Variants in SMARCD1 observed in about 807,000 individuals in gnomAD.
SMARCD1 encodes the protein SWI/SNF related BAF chromatin remodeling complex subunit D1.
SMARCD1 carries 16 observed loss-of-function variants against 70.8 expected under a neutral mutation model. The observed-to-expected ratio is 0.23, with a 90% CI of 0.15 to 0.34. The LOEUF is 0.34. Ranked by LOEUF, SMARCD1 falls within the 10% of genes least tolerant of loss-of-function variation. The pLI, the probability that SMARCD1 is intolerant of heterozygous loss-of-function variation, is 1.00. For missense variants in SMARCD1, 409 were observed against 655.5 expected (o/e 0.62, Z 4.11); for synonymous variants, 249 against 246.0 (o/e 1.01, Z -0.11).
intron 10 of SMARCD1, among the ~76,000 whole-genome samples, chr12:50,095,412 C>T (rs1232026287): frequency 6.6e-6 from 1 of 151,996 alleles, no homozygotes; most frequent in East Asian, 1.9e-4. Flanking sequence ...CTACGACCTC[C>T]GCCTCCTGGG....
In SMARCD1 at chr12:50,096,859, A is replaced by G. The variant is rs754127724; in HGVS notation, c.1279A>G (p.Thr427Ala). 1 of 1,610,486 alleles carries G rather than the reference A, an allele frequency of 6.2e-7. No homozygotes were observed. The highest frequency in any genetic ancestry group is 8.5e-7 in the Non-Finnish European group (1 of 1,177,130). ...IATLDNKIHE[T>A]IETINQLKTQ... Reference sequence around the variant, plus strand: ...TCGTTCTTCCTTTCAGATCCATGAGACAATAGAAACCATCAACCAGCTGAA... The same window carrying G: ...TCGTTCTTCCTTTCAGATCCATGAGGCAATAGAAACCATCAACCAGCTGAA... Residue 427 changes from threonine (T) to alanine (A), a missense_variant, in exon 11 of 13, where the codon ACA becomes GCA. Transcript: ENST00000394963.
In SMARCD1 at chr12:50,096,963, G is replaced by C. The variant is rs781091669; in HGVS notation, c.1383G>C (p.Arg461Ser). The change falls in exon 11 of 13, where the codon AGG (arginine) becomes AGC (serine). Residue 461 changes from arginine (R) to serine (S), a missense_variant. Arg to Ser is a moderately radical substitution (Grantham distance 110). Around this residue, in one of 2 missense-constraint regions of SMARCD1, gnomAD observed 269 missense variants for 498.6 expected, o/e 0.54. Coordinates refer to ENST00000394963, the MANE Select transcript of SMARCD1 (RefSeq NM_003076.5). ...FINDWLQSQC[R>S]DLKTMTDVVG... ...ATGACTGGCTTCAGTCCCAGTGCAG[G>C]GACCTCAAGGTAAAGAACCTAGGAG... is the stretch of plus-strand genomic sequence containing the variant. 46 of 1,613,452 alleles carry C rather than the reference G, an allele frequency of 2.9e-5. No individual in the cohort carries two copies. Among genetic ancestry groups the C allele is most frequent in the Non-Finnish European group, 2.5e-6 (3 of 1,179,658 alleles).
In SMARCD1 at chr12:50,089,996, G is replaced by T; in HGVS notation, c.873+11G>T. The T allele has an allele frequency of 6.3e-7, 1 of 1,599,616 alleles. No individual in the cohort carries two copies. The highest frequency in any genetic ancestry group is 8.6e-7 in the Non-Finnish European group (1 of 1,166,706). Reference sequence around the variant, plus strand: ...ATGCTGGATTACCAGGTATTCTGTGGTGGTGTGAGGGGGTCCAGCTTTCAC... The same window carrying T: ...ATGCTGGATTACCAGGTATTCTGTGTTGGTGTGAGGGGGTCCAGCTTTCAC... On this transcript the variant is annotated intron_variant, in intron 7 of 12. Transcript: ENST00000394963.
chr12:50,095,950 T>C (rs1040195605), intron 10 of SMARCD1, among the ~76,000 whole-genome samples: 1 of 152,184 alleles, frequency 6.6e-6, no homozygotes, highest in Non-Finnish European at 1.5e-5. Context: ...TGAGAGATCA[T>C]TACCAGTGGA....
At chr12:50,087,172 C>T (rs1472674803) in intron 4 of SMARCD1, among the ~76,000 whole-genome samples, 191 bp from the exon 5 acceptor site, 1 of 152,186 alleles carries the variant, frequency 6.6e-6, no homozygotes, top group African/African-American at 2.4e-5. Context: ...CCTGGCATCC[C>T]ACTATATGCA....
At position 50,100,613 on chromosome 12, in the gene SMARCD1, T is replaced by C. The variant is rs947379835; in HGVS notation, c.*1613T>C. ...TTTTGTACTGTCCCCTTATTGATGT[T>C]ACCCAGTTTTAATAAAAGAATCTTC... On this transcript the variant is annotated 3_prime_UTR_variant, in exon 13 of 13. Coordinates refer to ENST00000394963, the MANE Select transcript of SMARCD1 (RefSeq NM_003076.5). 6.6e-6 allele frequency: 1 copy of C among 152,644 alleles called. No individual in the cohort carries two copies. The highest frequency in any genetic ancestry group is 1.5e-5 in the Non-Finnish European group (1 of 68,036). 9.5% of individuals were successfully genotyped at this position (152,644 alleles called of 1,614,324 possible).
chr12:50,088,333 G>T, intron 5 of SMARCD1, 188 bp from the exon 6 acceptor site: 2 of 694,532 alleles, frequency 2.9e-6, no homozygotes, highest in Non-Finnish European at 5.3e-6. Context: ...GCTTCTTCAG[G>T]GTTCTGTTGC....
intron 9 of SMARCD1, among the ~76,000 whole-genome samples, chr12:50,093,584 A>G (rs1950866704): frequency 6.6e-6 from 1 of 152,082 alleles, no homozygotes; most frequent in African/African-American, 2.4e-5. Context: ...CCTGGGCTCA[A>G]GTGATCCTCC....
chr12:50,092,015 C>T (rs955943180), intron 9 of SMARCD1, among the ~76,000 whole-genome samples: 1 of 152,178 alleles, frequency 6.6e-6, no homozygotes, highest in South Asian at 2.1e-4. Context: ...CATCTTTTCT[C>T]TGGATGGTAC....
chr12:50,088,023 C>T (rs1236497045), intron 5 of SMARCD1, among the ~76,000 whole-genome samples: 1 of 152,170 alleles, frequency 6.6e-6, no homozygotes, highest in African/African-American at 2.4e-5. Flanking sequence ...CATTCTCTGG[C>T]TCTTATTTTT....
Position 50,099,057 on chromosome 12 carries a change from G to A in SMARCD1, c.*57G>A. 3 of 1,530,942 alleles carry A rather than the reference G, an allele frequency of 2.0e-6. No homozygotes were observed. The highest frequency in any genetic ancestry group is 2.2e-5 in the South Asian group (2 of 89,316). 94.8% of individuals were successfully genotyped at this position (1,530,942 alleles called of 1,614,324 possible). On this transcript the variant is annotated 3_prime_UTR_variant, in exon 13 of 13. Transcript: ENST00000394963. Reference sequence around the variant, plus strand: ...CAATTCTTGATTTGGGCCCTGTGCTGCCTGCCTCATAGTATCTGCCTTGGT... The same window carrying A: ...CAATTCTTGATTTGGGCCCTGTGCTACCTGCCTCATAGTATCTGCCTTGGT...
intron 9 of SMARCD1, among the ~76,000 whole-genome samples, chr12:50,091,692 C>T (rs1950845360): frequency 6.6e-6 from 1 of 151,752 alleles, no homozygotes; most frequent in Non-Finnish European, 1.5e-5. Flanking sequence ...TTCTCCCTCC[C>T]CAGCCTCCCA....
intron 11 of SMARCD1, among the ~76,000 whole-genome samples, chr12:50,097,783 C>T (rs1352659012): frequency 1.2e-4 from 18 of 145,282 alleles, no homozygotes; most frequent in African/African-American, 3.1e-4. Flanking sequence ...CCCAGCTACC[C>T]AGGAGGCTGA....
intron 10 of SMARCD1, among the ~76,000 whole-genome samples, chr12:50,095,971 C>G (rs1950890208): frequency 6.6e-6 from 1 of 152,114 alleles, no homozygotes; most frequent in Non-Finnish European, 1.5e-5. Context: ...GGGACTGATG[C>G]TATTTGTATA....
intron 9 of SMARCD1, among the ~76,000 whole-genome samples, chr12:50,093,474 T>A (rs1185555658): frequency 2.7e-5 from 4 of 150,316 alleles, no homozygotes; most frequent in Non-Finnish European, 4.4e-5. Flanking sequence ...AAAAAAGTTT[T>A]AAAAATTATT....
intron 9 of SMARCD1, among the ~76,000 whole-genome samples, chr12:50,092,399 A>G (rs1458287786): frequency 1.3e-5 from 2 of 150,034 alleles, no homozygotes; most frequent in Non-Finnish European, 3.0e-5. Flanking sequence ...AATTTTTTGT[A>G]TTTTAGTAGA....
chr12:50,088,788 T>C (rs1398889739), intron 6 of SMARCD1, 151 bp downstream of exon 6: 2 of 436,594 alleles, frequency 4.6e-6, no homozygotes, highest in Admixed American at 8.1e-5. Context: ...CACATTGACC[T>C]CTAGGTGGCA....
rs60619880 is a variant in SMARCD1, at chr12:50,092,235, CTTTTTTTTTTTT to C, written c.1133+1656_1133+1667del. On this transcript the variant is annotated intron_variant, in intron 9 of 12. Transcript: ENST00000394963. ...TTCTTTTCTTTTCTTTTCTTTCTTT[CTTTTTTTTTTTT>C]TTTTTTTTTTGAGACAGACAGAATC... 3.3e-5 allele frequency among the ~76,000 whole-genome samples: 3 copies of C among 91,146 alleles called. No individual in the cohort carries two copies. The South Asian group carries it at 1.2e-3, about 37-fold the overall frequency. The allele number at this position is 91,146 out of a possible 152,430, so 59.8% of individuals were successfully genotyped here. A position where few individuals can be genotyped will look rare whatever the true frequency, so the allele number is the denominator to read the frequency against.
chr12:50,089,638 G>A (rs1950823281), intron 6 of SMARCD1, among the ~76,000 whole-genome samples: 3 of 152,194 alleles, frequency 2.0e-5, no homozygotes, highest in Admixed American at 1.3e-4. Context: ...TATCCATTTT[G>A]TGGATAAAAT....
Sources: allele counts gnomAD v4.1 joint callset (sites outside exome capture counted in the v4.1 genomes callset), GRCh38; gene constraint gnomAD v4.1.1; regional missense constraint gnomAD v4.1.1; transcripts MANE v1.5; gene names NCBI Gene and HGNC (gene_info 2026-07-23, HGNC 2026-07-21).